SMYD2: variants seen among roughly 807,000 people sequenced by gnomAD.
SMYD2 encodes the protein N-lysine methyltransferase SMYD2.
Under a neutral mutation model 59.1 loss-of-function variants are expected in SMYD2, and 53 were observed. That is an observed-to-expected ratio of 0.90 (90% CI 0.72 to 1.13). The LOEUF is 1.13. SMYD2 is among the 50% of genes most tolerant of loss of function. SMYD2 has a pLI of 0.00. For synonymous variants in SMYD2, 208 were observed against 198.8 expected (o/e 1.05, Z -0.39); for missense variants, 494 against 544.7 (o/e 0.91, Z 0.93).
intron 5 of SMYD2, among the ~76,000 whole-genome samples, chr1:214,324,347 A>G (rs1288031754): frequency 6.6e-6 from 1 of 152,154 alleles, no homozygotes; most frequent in Non-Finnish European, 1.5e-5. Flanking sequence ...CTCCCATGCA[A>G]GTGTGCAAAC....
At chr1:214,310,901 A>G (rs1456886789) in intron 2 of SMYD2, among the ~76,000 whole-genome samples, 2 of 152,186 alleles carry the variant, frequency 1.3e-5, no homozygotes, top group Non-Finnish European at 1.5e-5. Context: ...ACTAGATACT[A>G]TCACATCTTC....
intron 5 of SMYD2, among the ~76,000 whole-genome samples, chr1:214,324,171 A>G (rs1022724430): frequency 1.3e-5 from 2 of 152,140 alleles, no homozygotes; most frequent in African/African-American, 4.8e-5. Flanking sequence ...TCCCGACCTC[A>G]GGTGATCTGC....
intron 1 of SMYD2, among the ~76,000 whole-genome samples, chr1:214,302,070 G>A (rs188342456): frequency 6.6e-6 from 1 of 152,140 alleles, no homozygotes; most frequent in Admixed American, 6.5e-5. Context: ...AGCCAGGCGC[G>A]GTATCTCACG....
At chr1:214,294,179 G>C (rs115121106) in intron 1 of SMYD2, among the ~76,000 whole-genome samples, 1,789 of 152,260 alleles carry the variant, frequency 0.012, 39 homozygotes, top group African/African-American at 0.041. Flanking sequence ...AATAAGGATT[G>C]AAAGAAAAAT....
intron 10 of SMYD2, 157 bp downstream of exon 10, chr1:214,332,349 C>G (rs928336449): frequency 1.2e-6 from 1 of 813,986 alleles, no homozygotes; most frequent in Non-Finnish European, 1.9e-6. Flanking sequence ...GGGCACTGCT[C>G]CCGAGTCAGG....
At chr1:214,330,869 A>G in intron 8 of SMYD2, 81 bp from the exon 9 acceptor site, 1 of 1,595,502 alleles carries the variant, frequency 6.3e-7, no homozygotes, top group Non-Finnish European at 8.6e-7. Flanking sequence ...CTGTGTGGGA[A>G]TGTGTATTAT....
At position 214,293,039 on chromosome 1, in the gene SMYD2, GT is replaced by G. The variant is rs1365505771; in HGVS notation, c.173+11613del. Among the ~76,000 whole-genome samples, 14 of 143,218 alleles carry G rather than the reference GT, an allele frequency of 9.8e-5. No homozygotes were observed. The East Asian group carries it at 2.5e-3, about 26-fold the overall frequency. 94.0% of individuals were successfully genotyped at this position (143,218 alleles called of 152,430 possible). ...TGTGTGTGTGTGTGTGTGTGTGTGT[GT>G]GTGTGTGTGTGTGTGTGTGTGTGTG... On this transcript the variant is annotated intron_variant, in intron 1 of 11. Coordinates refer to ENST00000366957, the MANE Select transcript of SMYD2 (RefSeq NM_020197.3).
Position 214,332,337 on chromosome 1 carries a change from C to T in SMYD2, c.1112+145C>T, listed in dbSNP as rs552867504. The T allele has an allele frequency of 2.0e-5, 18 of 909,918 alleles. No individual in the cohort carries two copies. In the East Asian group the frequency reaches 4.5e-4, roughly 23 times the overall value. 56.4% of individuals were successfully genotyped at this position (909,918 alleles called of 1,614,324 possible). A position where few individuals can be genotyped will look rare whatever the true frequency, so the allele number is the denominator to read the frequency against. On this transcript the variant is annotated intron_variant, in intron 10 of 11. Transcript: ENST00000366957. ...GCACCCACATCTGGAGGTGCTGGTG[C>T]AGGGCACTGCTCCCGAGTCAGGCCT...
At chr1:214,299,240 T>C (rs1656781425) in intron 1 of SMYD2, among the ~76,000 whole-genome samples, 1 of 152,178 alleles carries the variant, frequency 6.6e-6, no homozygotes, top group African/African-American at 2.4e-5. Flanking sequence ...GGAATATAAA[T>C]TAGTTCAGCC....
Position 214,318,166 on chromosome 1 carries a change from A to G in SMYD2, c.409+27A>G. On this transcript the variant is annotated intron_variant, in intron 4 of 11. Coordinates refer to ENST00000366957, the MANE Select transcript of SMYD2 (RefSeq NM_020197.3). The surrounding 1 kb of genome is among the most constrained non-coding windows in gnomAD (Gnocchi z 5.4). The stretch of plus-strand genomic sequence containing the variant: ...TAAGTCTTTCTGTGACCAGCCGCGC[A>G]GTTCTCTCAGCCACAGATTTCACAT... 2.5e-6 allele frequency: 4 copies of G among 1,608,636 alleles called. No homozygotes were observed. Among genetic ancestry groups the G allele is most frequent in the Non-Finnish European group, 3.4e-6 (4 of 1,176,576 alleles).
At chr1:214,301,471 A>G (rs1656822104) in intron 1 of SMYD2, among the ~76,000 whole-genome samples, 1 of 152,156 alleles carries the variant, frequency 6.6e-6, no homozygotes, top group Admixed American at 6.5e-5. Flanking sequence ...AGTTACCTAG[A>G]TTGTACAGAT....
At position 214,321,870 on chromosome 1, in the gene SMYD2, G is replaced by A. The variant is rs189583609; in HGVS notation, c.535-2771G>A. Among the ~76,000 whole-genome samples the A allele has an allele frequency of 3.0e-3, 457 of 152,296 alleles. 4 individuals are homozygous for A. Among genetic ancestry groups the A allele is most frequent in the African/African-American group, 0.01 (417 of 41,560 alleles). ...GATATTTCAGAAGGGAAGGAAAGCTGGCAGGAAAATTGCTATGTAAGTAGG... is the reference window on the plus strand; with the variant it reads ...GATATTTCAGAAGGGAAGGAAAGCTAGCAGGAAAATTGCTATGTAAGTAGG... On this transcript the variant is annotated intron_variant, in intron 5 of 11. Transcript: ENST00000366957.
chr1:214,329,047 A>G (rs1271641302), intron 7 of SMYD2, among the ~76,000 whole-genome samples: 1 of 152,190 alleles, frequency 6.6e-6, no homozygotes, highest in Admixed American at 6.5e-5. Flanking sequence ...ACTGTGAGTC[A>G]GTCATTACAG....
At chr1:214,319,325 T>C (rs773842684) in intron 5 of SMYD2, among the ~76,000 whole-genome samples, 2 of 152,152 alleles carry the variant, frequency 1.3e-5, no homozygotes, top group Non-Finnish European at 2.9e-5. Context: ...GTTCCTACAT[T>C]AAATTTTACT....
At chr1:214,319,123 G>GT in intron 5 of SMYD2, 140 bp downstream of exon 5, 1 of 1,141,424 alleles carries the variant, frequency 8.8e-7, no homozygotes, top group Non-Finnish European at 1.2e-6. Context: ...CAATTGGACC[G>GT]TGTGTTGCCA....
At chr1:214,320,600 T>C (rs1657157656) in intron 5 of SMYD2, among the ~76,000 whole-genome samples, 1 of 152,160 alleles carries the variant, frequency 6.6e-6, no homozygotes, top group Non-Finnish European at 1.5e-5. Context: ...CACTTCAGCC[T>C]AGGCAACAGA....
chr1:214,330,863 G>A (rs1433862010), intron 8 of SMYD2, 87 bp from the exon 9 acceptor site: 1 of 1,593,210 alleles, frequency 6.3e-7, no homozygotes, highest in East Asian at 2.2e-5. Flanking sequence ...CGACCGCTGT[G>A]TGGGAATGTG....
At chr1:214,327,798 G>GTGCAGTGTCACTTGACAGTA in intron 7 of SMYD2, 74 bp downstream of exon 7, 2 of 1,266,030 alleles carry the variant, frequency 1.6e-6, no homozygotes, top group Non-Finnish European at 2.3e-6. Flanking sequence ...GGACAGATCT[G>GTGCAGTGTCACTTGACAGTA]TGCAGTGTCA....
intron 1 of SMYD2, among the ~76,000 whole-genome samples, chr1:214,301,629 C>T (rs1656825377): frequency 6.6e-6 from 1 of 152,108 alleles, no homozygotes; most frequent in Non-Finnish European, 1.5e-5. Flanking sequence ...CTAATTTTTG[C>T]TTGAAAACTC....
Sources: allele counts gnomAD v4.1 joint callset (sites outside exome capture counted in the v4.1 genomes callset), GRCh38; gene constraint gnomAD v4.1.1; non-coding constraint Gnocchi (gnomAD v3.1); transcripts MANE v1.5; gene names NCBI Gene and HGNC (gene_info 2026-07-23, HGNC 2026-07-21).